The following HS6ST3 variants were observed in gnomAD, a reference collection of about 807,000 sequenced individuals.
The protein encoded by HS6ST3 is heparan-sulfate 6-O-sulfotransferase 3.
HS6ST3 carries 12 observed loss-of-function variants against 36.7 expected under a neutral mutation model. The observed-to-expected ratio is 0.33, with a 90% CI of 0.21 to 0.53. HS6ST3 has a LOEUF of 0.53. Ranked by LOEUF, HS6ST3 falls within the 20% of genes least tolerant of loss-of-function variation. HS6ST3 has a pLI of 0.95. For synonymous variants in HS6ST3, 240 were observed against 257.5 expected (o/e 0.93, Z 0.65); for missense variants, 584 against 640.9 (o/e 0.91, Z 0.96).
chr13:96,555,821 C>A (rs1328561543), intron 1 of HS6ST3, among the ~76,000 whole-genome samples: 1 of 148,410 alleles, frequency 6.7e-6, no homozygotes, highest in East Asian at 2.0e-4. Flanking sequence ...AAAAAAAAAA[C>A]TTCTATATGG....
chr13:96,605,631 C>CT (rs2056435981), intron 1 of HS6ST3, among the ~76,000 whole-genome samples: 1 of 151,964 alleles, frequency 6.6e-6, no homozygotes, highest in African/African-American at 2.4e-5. Flanking sequence ...ATATTGCCTA[C>CT]TTTTTCAAGA....
At chr13:96,158,640 G>A (rs2054121364) in intron 1 of HS6ST3, among the ~76,000 whole-genome samples, 1 of 108,100 alleles carries the variant, frequency 9.3e-6, no homozygotes, top group Non-Finnish European at 1.7e-5. Flanking sequence ...GAGACAGAGC[G>A]AGACTCCGTC....
intron 1 of HS6ST3, among the ~76,000 whole-genome samples, chr13:96,260,999 A>G (rs1353295802): frequency 1.3e-5 from 2 of 152,134 alleles, no homozygotes; most frequent in Non-Finnish European, 1.5e-5. Context: ...ATAATGGGTG[A>G]CATTCTGGGT....
chr13:96,256,745 C>T (rs2054639394), intron 1 of HS6ST3, among the ~76,000 whole-genome samples: 1 of 152,180 alleles, frequency 6.6e-6, no homozygotes, highest in South Asian at 2.1e-4. Context: ...ATGAGCTGTG[C>T]ATGGTCATCT....
intron 1 of HS6ST3, among the ~76,000 whole-genome samples, chr13:96,239,635 T>A (rs2054550897): frequency 6.6e-6 from 1 of 152,192 alleles, no homozygotes; most frequent in Admixed American, 6.5e-5. Flanking sequence ...TAATAGTCAA[T>A]TACTGTGAGC....
At chr13:96,522,076 A>G (rs1008367703) in intron 1 of HS6ST3, among the ~76,000 whole-genome samples, 1 of 152,196 alleles carries the variant, frequency 6.6e-6, no homozygotes, top group African/African-American at 2.4e-5. Context: ...GTTTCAAAGA[A>G]CATCTTTATT....
intron 1 of HS6ST3, among the ~76,000 whole-genome samples, chr13:96,568,277 C>CT (rs779389293): frequency 1.6e-4 from 24 of 152,138 alleles, no homozygotes; most frequent in East Asian, 5.8e-4. Flanking sequence ...CTCTCTGAAT[C>CT]TTTTTTTGAG....
chr13:96,509,864 T>C (rs1262875302), intron 1 of HS6ST3, among the ~76,000 whole-genome samples: 1 of 152,178 alleles, frequency 6.6e-6, no homozygotes, highest in Non-Finnish European at 1.5e-5. Context: ...GGATTGTTTT[T>C]TCCAATTCTG....
At chr13:96,324,046 G>T (rs2055017875) in intron 1 of HS6ST3, among the ~76,000 whole-genome samples, 1 of 152,258 alleles carries the variant, frequency 6.6e-6, no homozygotes, top group African/African-American at 2.4e-5. Context: ...ACATTGAGAA[G>T]CTGGATGCTT....
At chr13:96,441,912 GA>G (rs1229129070) in intron 1 of HS6ST3, among the ~76,000 whole-genome samples, 1 of 151,688 alleles carries the variant, frequency 6.6e-6, no homozygotes, top group African/African-American at 2.4e-5. Context: ...ATTAATAAGT[GA>G]AAAAAATCAA....
At chr13:96,263,712 G>C (rs114335277) in intron 1 of HS6ST3, among the ~76,000 whole-genome samples, 1 of 152,128 alleles carries the variant, frequency 6.6e-6, no homozygotes, top group African/African-American at 2.4e-5. Context: ...TATAGATAGC[G>C]GAAGCCAAGA....
At chr13:96,539,926 A>G (rs1309824462) in intron 1 of HS6ST3, among the ~76,000 whole-genome samples, 1 of 152,214 alleles carries the variant, frequency 6.6e-6, no homozygotes, top group African/African-American at 2.4e-5. Flanking sequence ...CCTGTAGCCC[A>G]GGGACTAAAC....
chr13:96,234,668 A>G (rs2054525757), intron 1 of HS6ST3, among the ~76,000 whole-genome samples: 1 of 152,108 alleles, frequency 6.6e-6, no homozygotes, highest in Admixed American at 6.5e-5. Context: ...AGAGCCTGGG[A>G]AAGACCCACC....
At position 96,832,524 on chromosome 13, in the gene HS6ST3, G is replaced by A. The variant is rs373578498; in HGVS notation, c.742G>A (p.Val248Met). The part of the protein sequence containing the change: ...FYYITMLRDP[V>M]SRYLSEWKHV... ...TTACATCACAATGTTACGGGATCCA[G>A]TGTCACGTTACCTGAGCGAGTGGAA... Residue 248 changes from valine to methionine, a missense_variant, in exon 2 of 2, where the codon GTG becomes ATG. Transcript: ENST00000376705. The A allele has an allele frequency of 2.0e-5, 32 of 1,597,628 alleles. No individual in the cohort carries two copies. Among genetic ancestry groups the A allele is most frequent in the Non-Finnish European group, 2.6e-5 (30 of 1,173,406 alleles).
At chr13:96,101,537 T>C (rs1240114115) in intron 1 of HS6ST3, among the ~76,000 whole-genome samples, 1 of 152,016 alleles carries the variant, frequency 6.6e-6, no homozygotes, top group Non-Finnish European at 1.5e-5. Flanking sequence ...ATACTAAAAA[T>C]ATTTACATAA....
chr13:96,514,066 A>C (rs1318164712), intron 1 of HS6ST3, among the ~76,000 whole-genome samples: 1 of 152,134 alleles, frequency 6.6e-6, no homozygotes. Flanking sequence ...GATGAGAAGC[A>C]GTAGGGATGT....
At chr13:96,539,559 A>G (rs567409213) in intron 1 of HS6ST3, among the ~76,000 whole-genome samples, 1 of 151,988 alleles carries the variant, frequency 6.6e-6, no homozygotes, top group South Asian at 2.1e-4. Context: ...GTTTCATTGT[A>G]TTGGCCAGGC....
intron 1 of HS6ST3, among the ~76,000 whole-genome samples, chr13:96,587,231 C>T (rs924075796): frequency 6.6e-6 from 1 of 152,002 alleles, no homozygotes; most frequent in Non-Finnish European, 1.5e-5. Context: ...TAAGATGCCT[C>T]CAGCTTTATT....
At chr13:96,451,918 G>A (rs567848047) in intron 1 of HS6ST3, among the ~76,000 whole-genome samples, 11 of 152,196 alleles carry the variant, frequency 7.2e-5, no homozygotes, top group Non-Finnish European at 1.6e-4. Context: ...TTTGTATAAA[G>A]CTTTATGTGT....
Sources: gnomAD v4.1 joint callset for allele counts (sites outside exome capture counted in the v4.1 genomes callset) on GRCh38, gnomAD v4.1.1 for gene constraint, MANE v1.5 for transcripts, NCBI Gene and HGNC (gene_info 2026-07-23, HGNC 2026-07-21) for gene names.